Variants in MTFR1L observed in about 807,000 individuals in gnomAD.
MTFR1L encodes the protein mitochondrial fission regulator 1-like.
MTFR1L carries 10 observed loss-of-function variants against 27.9 expected under a neutral mutation model. The ratio of observed to expected loss-of-function variants is 0.36; its 90% confidence interval spans 0.22 to 0.61. MTFR1L has a LOEUF of 0.61. MTFR1L is among the 20% of genes least tolerant of loss of function. The probability of loss-of-function intolerance (pLI) is 0.73; values close to 1 mark genes in which losing one functional copy is unlikely to be tolerated. For missense variants in MTFR1L, 315 were observed against 363.7 expected (o/e 0.87, Z 1.09); for synonymous variants, 151 against 139.4 (o/e 1.08, Z -0.58).
At chr1:25,822,246 A>G (rs1397886887) in intron 1 of MTFR1L, 9 of 152,214 alleles carry the variant, frequency 5.9e-5, no homozygotes, top group Admixed American at 5.9e-4. Flanking sequence ...GCCAGGATAA[A>G]CTTTTTTGGC....
chr1:25,823,777 G>C, intron 3 of MTFR1L, 29 bp downstream of exon 3: 3 of 1,611,296 alleles, frequency 1.9e-6, no homozygotes, highest in Non-Finnish European at 2.5e-6. Flanking sequence ...CAGGAGAGTA[G>C]AGGCTCAGAC....
chr1:25,824,178 A>G (rs2048137551), intron 3 of MTFR1L, among the ~76,000 whole-genome samples: 1 of 152,108 alleles, frequency 6.6e-6, no homozygotes, highest in Non-Finnish European at 1.5e-5. Context: ...GCCCAGCTCC[A>G]CTATTTTTAG....
chr1:25,827,724 A>G (rs1170404251), intron 5 of MTFR1L, among the ~76,000 whole-genome samples: 1 of 151,530 alleles, frequency 6.6e-6, no homozygotes, highest in Non-Finnish European at 1.5e-5. Context: ...TATAGGCATG[A>G]GCCACTGTGC....
Position 25,826,297 on chromosome 1 carries a change from C to T in MTFR1L, c.130-5C>T. On this transcript the variant is annotated splice_region_variant and splice_polypyrimidine_tract_variant and intron_variant, in intron 3 of 6. Coordinates refer to ENST00000374303, the MANE Select transcript of MTFR1L (RefSeq NM_001099625.2). The surrounding 1 kb of genome is among the most constrained non-coding windows in gnomAD (Gnocchi z 4.1). ...TAAATGTTGATGACTTTTGCTTCTC[C>T]ATAGACCCTGCCCAACATCTCTGAC... is the stretch of plus-strand genomic sequence containing the variant. 3.1e-6 allele frequency: 5 copies of T among 1,613,784 alleles called. No individual in the cohort carries two copies. Among genetic ancestry groups the T allele is most frequent in the Non-Finnish European group, 4.2e-6 (5 of 1,179,716 alleles).
chr1:25,831,424 C>A (rs371231333), intron 6 of MTFR1L, among the ~76,000 whole-genome samples: 3 of 152,256 alleles, frequency 2.0e-5, no homozygotes, highest in African/African-American at 7.2e-5. Flanking sequence ...CATAAAAAAT[C>A]ATCTCCCCTG....
intron 5 of MTFR1L, among the ~76,000 whole-genome samples, 199 bp downstream of exon 5, chr1:25,827,025 G>A (rs1373688659): frequency 6.6e-6 from 1 of 152,170 alleles, no homozygotes; most frequent in Non-Finnish European, 1.5e-5. Context: ...GAATGGTTTG[G>A]TTAAGAACAA....
intron 1 of MTFR1L, 106 bp from the exon 2 acceptor site, chr1:25,822,913 G>A (rs1239154445): frequency 1.1e-6 from 1 of 881,858 alleles, no homozygotes; most frequent in East Asian, 2.5e-5. Flanking sequence ...TCTCCCCTGT[G>A]AAGTCATGGC....
chr1:25,832,630 T>TAAAC lies in MTFR1L; in HGVS notation c.*606_*609dup, dbSNP rs1050890754. 5 of 167,476 alleles carry TAAAC rather than the reference T, an allele frequency of 3.0e-5. No individual in the cohort carries two copies. The highest frequency in any genetic ancestry group is 3.1e-3 in the Middle Eastern group (1 of 318). 10.4% of individuals were successfully genotyped at this position (167,476 alleles called of 1,614,324 possible). A position where few individuals can be genotyped will look rare whatever the true frequency, so the allele number is the denominator to read the frequency against. ...GGGAAGCCTGGGCTGTTTTTTTTCTTAAACACATTTTATATTACTGAACAA... is the reference window on the plus strand; with the variant it reads ...GGGAAGCCTGGGCTGTTTTTTTTCTTAAACAAACACATTTTATATTACTGAACAA... On this transcript the variant is annotated 3_prime_UTR_variant, in exon 7 of 7. Transcript: ENST00000374303.
intron 6 of MTFR1L, 99 bp from the exon 7 acceptor site, chr1:25,831,822 C>T (rs1021194573): frequency 1.6e-5 from 17 of 1,035,368 alleles, no homozygotes; most frequent in African/African-American, 3.2e-5. Flanking sequence ...GCACCTACCT[C>T]GTAAGATTGT....
chr1:25,831,909 T>C lies in MTFR1L; in HGVS notation c.774-12T>C, dbSNP rs544914222. 16 of 1,606,656 alleles carry C rather than the reference T, an allele frequency of 1.0e-5. No homozygotes were observed. Among genetic ancestry groups the C allele is most frequent in the Non-Finnish European group, 1.2e-5 (14 of 1,173,366 alleles). ...GAAAGAGTAAGTACTCAAGCTATTA[T>C]TGTGTCTCTAGGAACCGGAGTTTAT... On this transcript the variant is annotated splice_polypyrimidine_tract_variant and intron_variant, in intron 6 of 6. Transcript: ENST00000374303.
In MTFR1L at chr1:25,826,735, A is replaced by G; in HGVS notation, c.360A>G (p.Pro120=). Residue 120 remains proline (P), a synonymous_variant, in exon 5 of 7, where the codon CCA becomes CCG. Coordinates refer to ENST00000374303, the MANE Select transcript of MTFR1L (RefSeq NM_001099625.2). The surrounding 1 kb of genome is among the most constrained non-coding windows in gnomAD (Gnocchi z 4.1). The stretch of plus-strand genomic sequence containing the variant: ...AGAGGCTTCTGGCCCTGAAGAAGCC[A>G]GCTCTGCCAGCCCTAAGCCGCACTA... The part of the protein sequence containing the change: ...SEERLLALKK[P]ALPALSRTTE... 6.2e-7 allele frequency: 1 copy of G among 1,614,186 alleles called. No individual in the cohort carries two copies. The highest frequency in any genetic ancestry group is 8.5e-7 in the Non-Finnish European group (1 of 1,180,040).
At chr1:25,821,308 T>C (rs2048089095) in intron 1 of MTFR1L, among the ~76,000 whole-genome samples, 1 of 152,134 alleles carries the variant, frequency 6.6e-6, no homozygotes, top group African/African-American at 2.4e-5. Context: ...GCACCGTTAG[T>C]GCAATTTGTG....
At position 25,825,578 on chromosome 1, in the gene MTFR1L, A is replaced by T. The variant is rs2048156650; in HGVS notation, c.130-724A>T. The T allele has an allele frequency of 2.0e-5, 3 of 152,172 alleles. 1 individual carries two copies. The South Asian group carries it at 6.2e-4, about 31-fold the overall frequency. The allele number at this position is 152,172 out of a possible 1,614,324, so 9.4% of individuals were successfully genotyped here. A position where few individuals can be genotyped will look rare whatever the true frequency, so the allele number is the denominator to read the frequency against. On this transcript the variant is annotated intron_variant, in intron 3 of 6. Coordinates refer to ENST00000374303, the MANE Select transcript of MTFR1L (RefSeq NM_001099625.2). ...TTGTATAATCATTTATTTTTATTTA[A>T]ATCTAAATATATTCAAATTTTCAGG...
At chr1:25,831,370 C>T (rs1381354200) in intron 6 of MTFR1L, among the ~76,000 whole-genome samples, 2 of 152,116 alleles carry the variant, frequency 1.3e-5, no homozygotes, top group Non-Finnish European at 2.9e-5. Context: ...TGGTTTTGTT[C>T]CCATGAGTTT....
At chr1:25,823,605 T>TTCTCTGG in intron 2 of MTFR1L, 39 bp from the exon 3 acceptor site, 1 of 1,606,168 alleles carries the variant, frequency 6.2e-7, no homozygotes, top group Non-Finnish European at 8.5e-7. Context: ...GTTGGATTCA[T>TTCTCTGG]TCTCTGGGGT....
At position 25,819,959 on chromosome 1, in the gene MTFR1L, G is replaced by A. The variant is rs958862449; in HGVS notation, c.-157G>A. 4 of 313,574 alleles carry A rather than the reference G, an allele frequency of 1.3e-5. No individual in the cohort carries two copies. The highest frequency in any genetic ancestry group is 1.8e-5 in the Non-Finnish European group (3 of 164,074). The allele number at this position is 313,574 out of a possible 1,614,324, so 19.4% of individuals were successfully genotyped here. ...GGGGCGGGTCAGCGGAAGTGAGGGC[G>A]GTTGAGGCTGGGCGGCCCAAGGTGG... is the stretch of plus-strand genomic sequence containing the variant. On this transcript the variant is annotated 5_prime_UTR_variant, in exon 1 of 7. Transcript: ENST00000374303.
intron 1 of MTFR1L, 64 bp from the exon 2 acceptor site, chr1:25,822,954 TG>T: frequency 7.1e-7 from 1 of 1,415,712 alleles, no homozygotes; most frequent in Non-Finnish European, 9.9e-7. Context: ...GGGGCTTGTG[TG>T]GTGACCATTA....
intron 2 of MTFR1L, 155 bp downstream of exon 2, chr1:25,823,283 A>C (rs1027663652): frequency 1.6e-5 from 13 of 808,808 alleles, no homozygotes; most frequent in South Asian, 1.6e-4. Context: ...CCTCCCCCTA[A>C]GAAGAACCAA....
chr1:25,824,940 A>G (rs1458767275), intron 3 of MTFR1L, among the ~76,000 whole-genome samples: 1 of 152,134 alleles, frequency 6.6e-6, no homozygotes, highest in Non-Finnish European at 1.5e-5. Context: ...GTAATACTAG[A>G]TAACATTTAC....
Sources: gnomAD v4.1 joint callset for allele counts (sites outside exome capture counted in the v4.1 genomes callset) on GRCh38, gnomAD v4.1.1 for gene constraint, Gnocchi (gnomAD v3.1) non-coding constraint, MANE v1.5 for transcripts, NCBI Gene and HGNC (gene_info 2026-07-23, HGNC 2026-07-21) for gene names.